The following SLC8A1 variants were observed in gnomAD, a reference collection of about 807,000 sequenced individuals.
SLC8A1 encodes the protein sodium/calcium exchanger 1.
Under a neutral mutation model 68.3 loss-of-function variants are expected in SLC8A1, and 18 were observed. The observed-to-expected ratio is 0.26, with a 90% confidence interval of 0.18 to 0.39. The LOEUF is 0.39. SLC8A1 is among the 10% of genes least tolerant of loss of function. SLC8A1 has a pLI of 1.00. For synonymous variants in SLC8A1, 475 were observed against 415.5 expected (o/e 1.14, Z -1.74); for missense variants, 985 against 1,156.7 (o/e 0.85, Z 2.15).
intron 2 of SLC8A1, among the ~76,000 whole-genome samples, chr2:40,179,603 A>T (rs1180721916): frequency 1.3e-5 from 2 of 152,226 alleles, no homozygotes; most frequent in Non-Finnish European, 2.9e-5. Context: ...GCCAAGTACA[A>T]TTCTGATCAA....
At chr2:40,480,756 T>C (rs1704576429) in intron 1 of SLC8A1, among the ~76,000 whole-genome samples, 1 of 152,120 alleles carries the variant, frequency 6.6e-6, no homozygotes, top group African/African-American at 2.4e-5. Flanking sequence ...CTCCTCCCAG[T>C]CCACATATTG....
chr2:40,405,133 GAAA>G, intron 2 of SLC8A1, among the ~76,000 whole-genome samples: 1 of 152,188 alleles, frequency 6.6e-6, no homozygotes, highest in African/African-American at 2.4e-5. Context: ...GGCAGAAGGG[GAAA>G]AGTGTCAGGG....
chr2:40,318,958 G>T (rs1003759106), intron 2 of SLC8A1, among the ~76,000 whole-genome samples: 1 of 152,026 alleles, frequency 6.6e-6, no homozygotes, highest in Non-Finnish European at 1.5e-5. Context: ...ACTAGAATGT[G>T]AACAATGATT....
chr2:40,457,091 A>C (rs1703066640), intron 1 of SLC8A1, among the ~76,000 whole-genome samples: 1 of 152,178 alleles, frequency 6.6e-6, no homozygotes, highest in South Asian at 2.1e-4. Context: ...TAGAATTTCA[A>C]AGACAGTCAT....
At chr2:40,251,618 T>C (rs1209506396) in intron 2 of SLC8A1, 1 of 152,208 alleles carries the variant, frequency 6.6e-6, no homozygotes, top group African/African-American at 2.4e-5. Context: ...TGATACGCTG[T>C]GCAAGGTAGT....
chr2:40,464,672 G>T (rs1382908081), intron 1 of SLC8A1, among the ~76,000 whole-genome samples: 2 of 152,176 alleles, frequency 1.3e-5, no homozygotes, highest in East Asian at 3.9e-4. Context: ...AAAACAGTCT[G>T]AGAAGTGGGG....
rs372563933 is a variant in SLC8A1 at position 40,339,730 on chromosome 2, G to C, written c.1808+88743C>G. On this transcript the variant is annotated intron_variant, in intron 2 of 7. Transcript: ENST00000406785. The stretch of plus-strand genomic sequence containing the variant: ...AGCTCTTACTGATGAATTGAGGTAA[G>C]GGAGTATGAGTTGGGCATTGTGAAA... 2.6e-5 allele frequency among the ~76,000 whole-genome samples: 4 copies of C among 152,314 alleles called. No individual in the cohort carries two copies. The East Asian group carries it at 7.7e-4, about 29-fold the overall frequency.
At chr2:40,432,230 T>G (rs552118193) in intron 1 of SLC8A1, among the ~76,000 whole-genome samples, 1 of 151,850 alleles carries the variant, frequency 6.6e-6, no homozygotes, top group Non-Finnish European at 1.5e-5. Flanking sequence ...GACTTACTAG[T>G]CTGTCTTCTA....
At chr2:40,121,816 CT>C (rs2036894620) in intron 7 of SLC8A1, among the ~76,000 whole-genome samples, 2 of 152,120 alleles carry the variant, frequency 1.3e-5, no homozygotes, top group Admixed American at 1.3e-4. Flanking sequence ...TTATAACACC[CT>C]TTAAAAATTA....
intron 1 of SLC8A1, among the ~76,000 whole-genome samples, chr2:40,464,328 C>A (rs11679585): frequency 0.14 from 21,233 of 152,200 alleles, 1,677 homozygotes; most frequent in Middle Eastern, 0.22. Context: ...ATAGAGACAA[C>A]GCATTTCATA....
At chr2:40,130,001 A>T (rs879784113) in intron 7 of SLC8A1, among the ~76,000 whole-genome samples, 13 of 152,178 alleles carry the variant, frequency 8.5e-5, no homozygotes, top group African/African-American at 2.4e-4. Flanking sequence ...CTGGTAAATG[A>T]CATCATTGTT....
intron 2 of SLC8A1, among the ~76,000 whole-genome samples, chr2:40,245,893 C>G (rs953011790): frequency 6.6e-6 from 1 of 152,124 alleles, no homozygotes; most frequent in Non-Finnish European, 1.5e-5. Flanking sequence ...AGACTCATTT[C>G]ATGGATGAGG....
chr2:40,398,530 C>A (rs1259431097), intron 2 of SLC8A1, among the ~76,000 whole-genome samples: 1 of 152,090 alleles, frequency 6.6e-6, no homozygotes, highest in African/African-American at 2.4e-5. Flanking sequence ...ACTATCATAC[C>A]ATTAAGGTGA....
exon 2 of SLC8A1, chr2:40,430,069 A>G (rs760822866): frequency 6.8e-6 from 11 of 1,613,918 alleles, no homozygotes; most frequent in East Asian, 2.2e-5. Context: ...TTTGTCCCCA[A>G]AAGAAGGGTC....
chr2:40,430,847 C>G (rs1698120740), intron 1 of SLC8A1, among the ~76,000 whole-genome samples: 1 of 152,148 alleles, frequency 6.6e-6, no homozygotes, highest in South Asian at 2.1e-4. Context: ...TGGTGATTAT[C>G]TTAAACGCCA....
chr2:40,274,409 T>A lies in SLC8A1; in HGVS notation c.1809-96554A>T, dbSNP rs568322141. Among the ~76,000 whole-genome samples, 11 of 152,192 alleles carry A rather than the reference T, an allele frequency of 7.2e-5. 1 individual carries two copies. In the South Asian group the frequency reaches 2.3e-3, roughly 32 times the overall value. ...GGGCAATGGAAGTTGTGCTCTAAAA[T>A]TTTCCAGCAGTATCAGATGAAAAGC... On this transcript the variant is annotated intron_variant, in intron 2 of 7. Transcript: ENST00000406785.
chr2:40,158,469 T>C (rs900505260), intron 6 of SLC8A1, among the ~76,000 whole-genome samples: 11 of 152,218 alleles, frequency 7.2e-5, no homozygotes, highest in Non-Finnish European at 1.5e-4. Context: ...TTGTGCCTTA[T>C]TTCCAAGCGG....
At chr2:40,353,930 T>G (rs17025877) in intron 2 of SLC8A1, among the ~76,000 whole-genome samples, 11,815 of 152,228 alleles carry the variant, frequency 0.078, 660 homozygotes, top group East Asian at 0.2. Flanking sequence ...AAGTAGATAT[T>G]GAATAAGCGT....
intron 1 of SLC8A1, among the ~76,000 whole-genome samples, chr2:40,468,606 T>G (rs1039208113): frequency 6.6e-6 from 1 of 152,222 alleles, no homozygotes; most frequent in Non-Finnish European, 1.5e-5. Flanking sequence ...TATAGTAATC[T>G]ATGTTTAAAT....
Sources: gnomAD v4.1 joint callset for allele counts (sites outside exome capture counted in the v4.1 genomes callset) on GRCh38, gnomAD v4.1.1 for gene constraint, MANE v1.5 for transcripts, NCBI Gene and HGNC (gene_info 2026-07-23, HGNC 2026-07-21) for gene names.